Variants in SLC24A3 observed in about 807,000 individuals in gnomAD.
The protein encoded by SLC24A3 is solute carrier family 24 member 3.
In SLC24A3, 28 loss-of-function variants were observed where a neutral mutation model predicts 75.8. The ratio of observed to expected loss-of-function variants is 0.37; its 90% CI spans 0.27 to 0.51. The LOEUF is 0.51. Ranked by LOEUF, SLC24A3 falls within the 20% of genes least tolerant of loss-of-function variation. The pLI, the probability that SLC24A3 is intolerant of heterozygous loss-of-function variation, is 0.94. For synonymous variants in SLC24A3, 372 were observed against 334.1 expected (o/e 1.11, Z -1.24); for missense variants, 663 against 847.8 (o/e 0.78, Z 2.71).
chr20:19,232,270 C>T (rs868296742), intron 1 of SLC24A3, among the ~76,000 whole-genome samples: 4 of 152,232 alleles, frequency 2.6e-5, no homozygotes, highest in Non-Finnish European at 2.9e-5. Flanking sequence ...CAACATGTGA[C>T]ATTCTATTTA....
chr20:19,446,616 T>C (rs745925774), intron 2 of SLC24A3, among the ~76,000 whole-genome samples: 3 of 152,192 alleles, frequency 2.0e-5, no homozygotes, highest in Non-Finnish European at 4.4e-5. Context: ...GTGCTCTTTA[T>C]GTGACCTTGA....
chr20:19,247,432 T>C (rs1346508307), intron 1 of SLC24A3, among the ~76,000 whole-genome samples: 2 of 152,230 alleles, frequency 1.3e-5, no homozygotes, highest in Non-Finnish European at 1.5e-5. Flanking sequence ...TTTTTAGTGA[T>C]CTATGACTTT....
At chr20:19,639,580 C>G (rs1467831414) in intron 6 of SLC24A3, among the ~76,000 whole-genome samples, 1 of 152,254 alleles carries the variant, frequency 6.6e-6, no homozygotes, top group African/African-American at 2.4e-5. Context: ...GTGGATCCCG[C>G]ACTGGGGCTG....
At chr20:19,417,618 A>G (rs767103469) in intron 2 of SLC24A3, among the ~76,000 whole-genome samples, 4 of 152,204 alleles carry the variant, frequency 2.6e-5, no homozygotes, top group African/African-American at 4.8e-5. Context: ...GACTTGGGAA[A>G]GGCTGAAAAC....
intron 2 of SLC24A3, among the ~76,000 whole-genome samples, chr20:19,348,934 A>G (rs1423757944): frequency 1.3e-5 from 2 of 152,028 alleles, no homozygotes; most frequent in Non-Finnish European, 2.9e-5. Context: ...TGAATACTTC[A>G]GGTTTCCCTT....
At chr20:19,653,978 G>A (rs78237569) in intron 6 of SLC24A3, 84 bp from the exon 7 acceptor site, 12,639 of 1,178,062 alleles carry the variant, frequency 0.011, 228 homozygotes, top group African/African-American at 0.074. Flanking sequence ...GGCCTAGACA[G>A]GAAGCTGGCT....
chr20:19,650,576 C>T (rs1021751330), intron 6 of SLC24A3, among the ~76,000 whole-genome samples: 2 of 152,130 alleles, frequency 1.3e-5, no homozygotes, highest in African/African-American at 2.4e-5. Context: ...TTGATTTTTT[C>T]AGTTACCGGC....
intron 2 of SLC24A3, among the ~76,000 whole-genome samples, chr20:19,430,879 C>T (rs1370986186): frequency 1.3e-5 from 2 of 152,130 alleles, no homozygotes; most frequent in Non-Finnish European, 2.9e-5. Flanking sequence ...TACGCAGACA[C>T]GGTCACACCC....
chr20:19,430,034 C>T (rs778163795), intron 2 of SLC24A3, among the ~76,000 whole-genome samples: 8 of 152,098 alleles, frequency 5.3e-5, no homozygotes, highest in Non-Finnish European at 8.8e-5. Context: ...CTGGGGAAGC[C>T]GCTGGGAACT....
rs373060907 is a variant in SLC24A3, at chr20:19,565,292, G to A, written c.349-14708G>A. 4.7e-4 allele frequency among the ~76,000 whole-genome samples: 71 copies of A among 152,182 alleles called. No homozygotes were observed. The Middle Eastern group carries it at 0.01, about 22-fold the overall frequency. On this transcript the variant is annotated intron_variant, in intron 3 of 16. Transcript: ENST00000328041. Reference sequence around the variant, plus strand: ...GTGTGTCTATCCAGCAGCTCTGTGTGCTTTGCTACGAATGTTTCACCCCTA... The same window carrying A: ...GTGTGTCTATCCAGCAGCTCTGTGTACTTTGCTACGAATGTTTCACCCCTA...
intron 2 of SLC24A3, among the ~76,000 whole-genome samples, chr20:19,477,550 A>G (rs1372985692): frequency 6.6e-6 from 1 of 152,190 alleles, no homozygotes; most frequent in Non-Finnish European, 1.5e-5. Context: ...AAGGAACTCA[A>G]CAGAGAGAGA....
At chr20:19,397,536 T>G (rs1986474929) in intron 2 of SLC24A3, among the ~76,000 whole-genome samples, 1 of 152,160 alleles carries the variant, frequency 6.6e-6, no homozygotes, top group South Asian at 2.1e-4. Context: ...ATTTGTTGTC[T>G]TCAAAAGCAG....
intron 2 of SLC24A3, chr20:19,283,298 C>T (rs752957040): frequency 6.6e-6 from 1 of 152,518 alleles, no homozygotes; most frequent in Non-Finnish European, 1.5e-5. Flanking sequence ...CTTGCTTGGA[C>T]CACCCCAGAC....
At chr20:19,605,339 A>C (rs2031583339) in intron 6 of SLC24A3, among the ~76,000 whole-genome samples, 1 of 151,808 alleles carries the variant, frequency 6.6e-6, no homozygotes, top group African/African-American at 2.4e-5. Flanking sequence ...TTTTTTTTTT[A>C]ATCACTTACA....
chr20:19,217,226 C>T (rs1010853189), intron 1 of SLC24A3, among the ~76,000 whole-genome samples: 1 of 152,202 alleles, frequency 6.6e-6, no homozygotes, highest in South Asian at 2.1e-4. Flanking sequence ...TGTCAGCCCA[C>T]GTTGAAGGAG....
rs188485867 is a variant in SLC24A3 at position 19,711,390 on chromosome 20, C to T, written c.1720-6138C>T. ...CACATGCAAGCAAACGCACACATAT[C>T]CACACATGCAAACACACAGGCAAAT... On this transcript the variant is annotated intron_variant, in intron 15 of 16. Transcript: ENST00000328041. Among the ~76,000 whole-genome samples the T allele has an allele frequency of 2.7e-4, 40 of 150,894 alleles. 1 individual carries two copies. Among genetic ancestry groups the T allele is most frequent in the African/African-American group, 8.3e-4 (34 of 41,034 alleles).
intron 1 of SLC24A3, 67 bp downstream of exon 1, chr20:19,213,051 G>T: frequency 8.7e-7 from 1 of 1,149,730 alleles, no homozygotes; most frequent in African/African-American, 1.6e-5. Flanking sequence ...CCGGGGCTGG[G>T]CGCGGGGCTC....
intron 3 of SLC24A3, among the ~76,000 whole-genome samples, chr20:19,548,881 A>G (rs1051175598): frequency 6.6e-6 from 1 of 152,244 alleles, no homozygotes; most frequent in African/African-American, 2.4e-5. Flanking sequence ...TAAATGCATC[A>G]TGGAATGAAC....
At chr20:19,527,280 G>A (rs1414624164) in intron 3 of SLC24A3, among the ~76,000 whole-genome samples, 1 of 152,172 alleles carries the variant, frequency 6.6e-6, no homozygotes, top group African/African-American at 2.4e-5. Context: ...GGAGACCTGG[G>A]ACCATGCCTC....
Sources: gnomAD v4.1 joint callset for allele counts (sites outside exome capture counted in the v4.1 genomes callset) on GRCh38, gnomAD v4.1.1 for gene constraint, MANE v1.5 for transcripts, NCBI Gene and HGNC (gene_info 2026-07-23, HGNC 2026-07-21) for gene names.